PARM1: variants seen among roughly 807,000 people sequenced by gnomAD.
PARM1 encodes prostate androgen-regulated mucin-like protein 1.
In PARM1, 14 loss-of-function variants were observed where a neutral mutation model predicts 24.6. The ratio of observed to expected loss-of-function variants is 0.57; its 90% CI spans 0.38 to 0.89. PARM1 has a LOEUF of 0.89. Ranked by LOEUF, PARM1 falls within the 40% of genes least tolerant of loss-of-function variation. The probability of loss-of-function intolerance (pLI) is 0.00; values close to 1 mark genes in which losing one functional copy is unlikely to be tolerated. For synonymous variants in PARM1, 179 were observed against 156.6 expected (o/e 1.14, Z -1.07); for missense variants, 362 against 380.4 (o/e 0.95, Z 0.40).
At chr4:74,987,663 G>A (rs903320389) in intron 1 of PARM1, among the ~76,000 whole-genome samples, 10 of 152,198 alleles carry the variant, frequency 6.6e-5, no homozygotes, top group Admixed American at 2.0e-4. Context: ...AGTTTGCCAT[G>A]CAATTTGCTT....
At position 75,012,571 on chromosome 4, in the gene PARM1, T is replaced by A. The variant is rs756393833; in HGVS notation, c.190T>A (p.Ser64Thr). The A allele has an allele frequency of 1.2e-6, 2 of 1,613,796 alleles. No individual in the cohort carries two copies. The highest frequency in any genetic ancestry group is 4.5e-5 in the East Asian group (2 of 44,866). The change falls in exon 2 of 4, where the codon TCG (serine) becomes ACG (threonine). Residue 64 changes from serine (S) to threonine (T), a missense_variant. Transcript: ENST00000307428. ...ASPSNGTHNN[S>T]VLPVTASAPT... ...CCCATCCAACGGCACTCACAACAAC[T>A]CGGTGCTCCCAGTTACAGCATCAGC...
chr4:74,973,715 C>G (rs780062125), intron 1 of PARM1, among the ~76,000 whole-genome samples: 2 of 152,144 alleles, frequency 1.3e-5, no homozygotes, highest in Admixed American at 1.3e-4. Flanking sequence ...AATATTCACA[C>G]TCTGCAGATT....
intron 1 of PARM1, among the ~76,000 whole-genome samples, chr4:75,006,900 T>C (rs1310841159): frequency 6.6e-6 from 1 of 152,190 alleles, no homozygotes; most frequent in Non-Finnish European, 1.5e-5. Context: ...AAAGAGCTTC[T>C]GCACAACAAA....
chr4:75,041,570 TGTTTCAACGCAAGAAA>T (rs1396566309), intron 3 of PARM1, among the ~76,000 whole-genome samples: 1 of 152,202 alleles, frequency 6.6e-6, no homozygotes, highest in Non-Finnish European at 1.5e-5. Flanking sequence ...AAATATGTTT[TGTTTCAACGCAAGAAA>T]AGGGACACTT....
At position 74,939,500 on chromosome 4, in the gene PARM1, G is replaced by A. The variant is rs952064292; in HGVS notation, c.43+6130G>A. Among the ~76,000 whole-genome samples, 8 of 152,112 alleles carry A rather than the reference G, an allele frequency of 5.3e-5. No individual in the cohort carries two copies. In the East Asian group the frequency reaches 1.5e-3, roughly 29 times the overall value. On this transcript the variant is annotated intron_variant, in intron 1 of 3. Transcript: ENST00000307428. ...GATCTTGCTATAGGGGCTGGGACTC[G>A]AAGCCTTCTGTACTCTTTTTTTTTA...
intron 2 of PARM1, 26 bp downstream of exon 2, chr4:75,013,176 T>C (rs1477217733): frequency 6.3e-7 from 1 of 1,583,714 alleles, no homozygotes; most frequent in Admixed American, 1.7e-5. Flanking sequence ...GTCCACTAGT[T>C]TTCTTTACTA....
rs568598859 is a variant in PARM1 at position 75,023,852 on chromosome 4, G to A, written c.770-10031G>A. On this transcript the variant is annotated intron_variant, in intron 2 of 3. Coordinates refer to ENST00000307428, the MANE Select transcript of PARM1 (RefSeq NM_015393.4). ...CCTGAGGTTGGACAGTTGAGACCTA[G>A]AAGTTGTACTCTTCCCTTAACTGGC... Among the ~76,000 whole-genome samples the A allele has an allele frequency of 5.9e-5, 9 of 152,312 alleles. No homozygotes were observed. In the South Asian group the frequency reaches 8.3e-4, roughly 14 times the overall value.
At chr4:75,041,548 A>G (rs1254967715) in intron 3 of PARM1, among the ~76,000 whole-genome samples, 3 of 152,230 alleles carry the variant, frequency 2.0e-5, no homozygotes, top group Non-Finnish European at 2.9e-5. Flanking sequence ...GTAAAGGACA[A>G]GGTATTTCCT....
intron 1 of PARM1, among the ~76,000 whole-genome samples, chr4:75,001,518 G>T (rs1722680219): frequency 1.3e-5 from 2 of 152,170 alleles, no homozygotes; most frequent in African/African-American, 4.8e-5. Flanking sequence ...GTGCTGAAAA[G>T]GTTCTGTATC....
chr4:75,020,897 C>A (rs1000531670), intron 2 of PARM1, among the ~76,000 whole-genome samples: 1 of 149,538 alleles, frequency 6.7e-6, no homozygotes, highest in Non-Finnish European at 1.5e-5. Context: ...TCTTATGGAG[C>A]CCCCTGTCCA....
chr4:74,936,453 G>GTT (rs869134720), intron 1 of PARM1, among the ~76,000 whole-genome samples: 1 of 143,268 alleles, frequency 7.0e-6, no homozygotes, highest in African/African-American at 2.6e-5. Context: ...TTTTTTGTTT[G>GTT]TTTTTTTGTT....
intron 2 of PARM1, among the ~76,000 whole-genome samples, chr4:75,014,324 G>T (rs368349382): frequency 2.0e-5 from 3 of 152,254 alleles, no homozygotes. Flanking sequence ...TATTTCAAAG[G>T]CCCAGTATAT....
At chr4:75,033,826 C>G in intron 2 of PARM1, 57 bp from the exon 3 acceptor site, 1 of 1,420,562 alleles carries the variant, frequency 7.0e-7, no homozygotes, top group Non-Finnish European at 9.7e-7. Context: ...ACGCCAAAGT[C>G]ACATGATGCC....
intron 1 of PARM1, among the ~76,000 whole-genome samples, chr4:74,942,171 G>A (rs1173442587): frequency 6.6e-6 from 1 of 152,148 alleles, no homozygotes; most frequent in Admixed American, 6.5e-5. Flanking sequence ...CTCCCACTAC[G>A]AGATTGTAAG....
Position 75,012,499 on chromosome 4 carries a change from A to G in PARM1, c.118A>G (p.Thr40Ala). 2.5e-6 allele frequency: 4 copies of G among 1,613,914 alleles called. No homozygotes were observed. Among genetic ancestry groups the G allele is most frequent in the Non-Finnish European group, 3.4e-6 (4 of 1,179,872 alleles). The change falls in exon 2 of 4, where the codon ACC becomes GCC. Residue 40 changes from threonine (T) to alanine (A), a missense_variant. Coordinates refer to ENST00000307428, the MANE Select transcript of PARM1 (RefSeq NM_015393.4). ...SLPTNIVPPTTIWTSSPQNTD... is the reference protein window; with the variant it reads ...SLPTNIVPPTAIWTSSPQNTD... ...TCCGACAAACATTGTACCACCGACC[A>G]CCATCTGGACTAGCTCTCCACAAAA...
At chr4:75,007,939 C>A (rs1578048442) in intron 1 of PARM1, among the ~76,000 whole-genome samples, 1 of 152,252 alleles carries the variant, frequency 6.6e-6, no homozygotes, top group Non-Finnish European at 1.5e-5. Flanking sequence ...AATCAGACAG[C>A]ACTTTGATCT....
At chr4:75,021,117 G>A (rs1176343536) in intron 2 of PARM1, among the ~76,000 whole-genome samples, 1 of 152,066 alleles carries the variant, frequency 6.6e-6, no homozygotes, top group Non-Finnish European at 1.5e-5. Context: ...AATGTCCAAT[G>A]AATCAATCAA....
intron 2 of PARM1, among the ~76,000 whole-genome samples, chr4:75,027,705 G>A (rs1723209590): frequency 6.6e-6 from 1 of 152,172 alleles, no homozygotes; most frequent in South Asian, 2.1e-4. Context: ...AACGATCTAA[G>A]GTTGCTGTTC....
At chr4:75,010,087 A>G (rs1019950400) in intron 1 of PARM1, among the ~76,000 whole-genome samples, 1 of 152,214 alleles carries the variant, frequency 6.6e-6, no homozygotes, top group Non-Finnish European at 1.5e-5. Flanking sequence ...CAGTAGCCCA[A>G]AGATGGAAAC....
Sources: allele counts gnomAD v4.1 joint callset (sites outside exome capture counted in the v4.1 genomes callset), GRCh38; gene constraint gnomAD v4.1.1; transcripts MANE v1.5; gene names NCBI Gene and HGNC (gene_info 2026-07-23, HGNC 2026-07-21).